The following PDE11A variants were observed in gnomAD, a reference collection of about 807,000 sequenced individuals.
The protein encoded by PDE11A is dual 3',5'-cyclic-AMP and -GMP phosphodiesterase 11A.
A neutral mutation model predicts 100.5 loss-of-function variants in PDE11A; 100 were observed. The ratio of observed to expected loss-of-function variants is 1.00; its 90% CI spans 0.85 to 1.18. The LOEUF is 1.18. Ranked by LOEUF, PDE11A falls within the 50% of genes most tolerant of loss-of-function variation. The probability of loss-of-function intolerance (pLI) is 0.00; values close to 1 mark genes in which losing one functional copy is unlikely to be tolerated. For synonymous variants in PDE11A, 381 were observed against 420.8 expected, an observed-to-expected ratio of 0.91 and a Z score of 1.16; for missense variants, 1,141 against 1,152.6, an observed-to-expected ratio of 0.99 and a Z score of 0.15.
At chr2:177,695,119 T>TGG (rs551610004) in intron 15 of PDE11A, among the ~76,000 whole-genome samples, 2 of 149,370 alleles carry the variant, frequency 1.3e-5, no homozygotes, top group South Asian at 2.1e-4. Flanking sequence ...GAGTTGTGTG[T>TGG]GGGGGGGGAG....
intron 15 of PDE11A, chr2:177,686,725 T>TTTTTTTTTG (rs2080957383): frequency 7.0e-6 from 1 of 142,778 alleles, no homozygotes; most frequent in African/African-American, 2.7e-5. Context: ...TTTTTTTTTT[T>TTTTTTTTTG]GGAGATGGAG....
intron 9 of PDE11A, among the ~76,000 whole-genome samples, chr2:177,771,511 T>G (rs1167358000): frequency 6.6e-6 from 1 of 152,104 alleles, no homozygotes; most frequent in Non-Finnish European, 1.5e-5. Flanking sequence ...TGGTTTAATC[T>G]CTTTGGGTCT....
In PDE11A at chr2:178,025,053, T is replaced by C. The variant is rs974375388; in HGVS notation, c.913-10593A>G. Among the ~76,000 whole-genome samples, 4 of 152,230 alleles carry C rather than the reference T, an allele frequency of 2.6e-5. No individual in the cohort carries two copies. In the East Asian group the frequency reaches 7.7e-4, roughly 29 times the overall value. ...TCATTCTTTAGGCCTCCTAATTTGA[T>C]ATTTGCTGAGAAAAAGTGAAAAATT... On this transcript the variant is annotated intron_variant, in intron 1 of 19. Transcript: ENST00000286063.
chr2:178,031,192 C>A (rs2086543014), intron 1 of PDE11A, among the ~76,000 whole-genome samples: 2 of 152,112 alleles, frequency 1.3e-5, no homozygotes, highest in South Asian at 4.1e-4. Context: ...ACTTTCTTAA[C>A]CCAATAAAGG....
intron 5 of PDE11A, among the ~76,000 whole-genome samples, chr2:177,870,271 A>T (rs2084107701): frequency 6.6e-6 from 1 of 151,988 alleles, no homozygotes; most frequent in South Asian, 2.1e-4. Flanking sequence ...TCAAATTTAC[A>T]CTCCACTTCT....
chr2:178,006,887 C>T (rs759468926), intron 2 of PDE11A, among the ~76,000 whole-genome samples: 18 of 152,060 alleles, frequency 1.2e-4, no homozygotes, highest in Non-Finnish European at 2.4e-4. Context: ...ACCTGTTTCT[C>T]TTAATAAAGA....
At position 177,624,225 on chromosome 2, in the gene PDE11A, C is replaced by G. The variant is rs1212902815; in HGVS notation, c.*5182G>C. The stretch of plus-strand genomic sequence containing the variant: ...TTAGGGTCCCAAATTAGGTTTTGTT[C>G]TGTTGCTTTAATGAATCCTTTTTGT... On this transcript the variant is annotated 3_prime_UTR_variant, in exon 20 of 20. Transcript: ENST00000286063. 1.4e-5 allele frequency: 2 copies of G among 146,916 alleles called. No individual in the cohort carries two copies. The highest frequency in any genetic ancestry group is 3.0e-5 in the Non-Finnish European group (2 of 66,696). The allele number at this position is 146,916 out of a possible 1,614,324, so 9.1% of individuals were successfully genotyped here. A position where few individuals can be genotyped will look rare whatever the true frequency, so the allele number is the denominator to read the frequency against.
At chr2:177,753,104 G>T (rs1195240530) in intron 10 of PDE11A, among the ~76,000 whole-genome samples, 1 of 152,178 alleles carries the variant, frequency 6.6e-6, no homozygotes, top group African/African-American at 2.4e-5. Context: ...TTAGGCTCAA[G>T]TCCACAACTA....
chr2:177,931,702 AGATCTCAAATTAAC>A (rs1359343047), intron 2 of PDE11A, among the ~76,000 whole-genome samples: 1 of 152,168 alleles, frequency 6.6e-6, no homozygotes, highest in Non-Finnish European at 1.5e-5. Context: ...AAAGTTAGAA[AGATCTCAAATTAAC>A]GATCTGACAT....
intron 1 of PDE11A, among the ~76,000 whole-genome samples, chr2:178,014,712 G>A (rs1320904870): frequency 6.6e-6 from 1 of 152,036 alleles, no homozygotes; most frequent in African/African-American, 2.4e-5. Flanking sequence ...TCAAAATTGG[G>A]GAAACGTGTT....
Position 177,998,852 on chromosome 2 carries a change from AC to A in PDE11A, c.1071+15449del. On this transcript the variant is annotated intron_variant, in intron 2 of 19. Transcript: ENST00000286063. ...GCCACCTCAGCACTTCTCCAAGCCC[AC>A]TACCTGCACTATTACACCCAACTGG... 4 of 609,170 alleles carry A rather than the reference AC, an allele frequency of 6.6e-6. No homozygotes were observed. In the Middle Eastern group the frequency reaches 1.4e-3, roughly 213 times the overall value. The allele number at this position is 609,170 out of a possible 1,614,324, so 37.7% of individuals were successfully genotyped here.
chr2:178,022,514 A>G (rs190741842), intron 1 of PDE11A, among the ~76,000 whole-genome samples: 5 of 152,284 alleles, frequency 3.3e-5, no homozygotes, highest in Admixed American at 3.3e-4. Flanking sequence ...AAGGACTTGA[A>G]ATGGAAAGTA....
chr2:178,032,708 C>T (rs1364816159), intron 1 of PDE11A, among the ~76,000 whole-genome samples: 1 of 152,182 alleles, frequency 6.6e-6, no homozygotes, highest in Admixed American at 6.5e-5. Context: ...AAGGAGCAGG[C>T]AGCAGTCTTT....
chr2:177,837,624 T>G (rs1454526956), intron 6 of PDE11A, among the ~76,000 whole-genome samples: 2 of 152,190 alleles, frequency 1.3e-5, no homozygotes, highest in Non-Finnish European at 2.9e-5. Context: ...TACCATTTGC[T>G]GATTTTCTTC....
intron 2 of PDE11A, among the ~76,000 whole-genome samples, chr2:177,934,974 G>C (rs977473950): frequency 3.3e-5 from 5 of 152,282 alleles, no homozygotes; most frequent in Admixed American, 3.3e-4. Context: ...GTGGAGGGGG[G>C]AGTAAGGGTT....
chr2:177,964,285 T>A (rs1279536375), intron 2 of PDE11A, among the ~76,000 whole-genome samples: 18 of 152,314 alleles, frequency 1.2e-4, no homozygotes, highest in African/African-American at 3.8e-4. Flanking sequence ...ATCCCTCAAT[T>A]ATATAATACA....
intron 1 of PDE11A, among the ~76,000 whole-genome samples, chr2:178,053,709 A>C (rs1207780869): frequency 6.6e-6 from 1 of 152,226 alleles, no homozygotes; most frequent in Non-Finnish European, 1.5e-5. Flanking sequence ...GCATTCCTAT[A>C]TACCAACAAT....
chr2:177,647,382 A>G (rs2080238483), intron 19 of PDE11A, among the ~76,000 whole-genome samples: 1 of 152,198 alleles, frequency 6.6e-6, no homozygotes, highest in Non-Finnish European at 1.5e-5. Flanking sequence ...AATTGCCAAT[A>G]TCTGTCCTTG....
rs1276831867 is a variant in PDE11A, at chr2:177,810,712, T to C, written c.1737+6117A>G. On this transcript the variant is annotated intron_variant, in intron 9 of 19. Coordinates refer to ENST00000286063, the MANE Select transcript of PDE11A (RefSeq NM_016953.4). ...TCTGAGGGCCTCAAAGGCCAGGACA[T>C]TTGTTCTTTAATAGGTAATGGGGGA... Among the ~76,000 whole-genome samples the C allele has an allele frequency of 2.0e-5, 3 of 152,272 alleles. No individual in the cohort carries two copies. The East Asian group carries it at 5.8e-4, about 29-fold the overall frequency.
Sources: gnomAD v4.1 joint callset for allele counts (sites outside exome capture counted in the v4.1 genomes callset) on GRCh38, gnomAD v4.1.1 for gene constraint, MANE v1.5 for transcripts, NCBI Gene and HGNC (gene_info 2026-07-23, HGNC 2026-07-21) for gene names.